Variants in MAPKAPK2 observed in about 807,000 individuals in gnomAD.
MAPKAPK2 encodes the protein MAPK activated protein kinase 2.
Under a neutral mutation model 48.8 loss-of-function variants are expected in MAPKAPK2, and 9 were observed. That is an observed-to-expected ratio of 0.18 (90% confidence interval 0.11 to 0.32). The LOEUF is 0.32. MAPKAPK2 is among the 10% of genes least tolerant of loss of function. The pLI is 1.00. For missense variants in MAPKAPK2, 331 were observed against 498.3 expected (o/e 0.66, Z 3.20); for synonymous variants, 202 against 190.6 (o/e 1.06, Z -0.49).
intron 1 of MAPKAPK2, among the ~76,000 whole-genome samples, chr1:206,714,764 CAAA>C (rs373824626): frequency 6.9e-5 from 8 of 116,042 alleles, no homozygotes; most frequent in Admixed American, 8.7e-5. Context: ...AACTCGGTCA[CAAA>C]AAAAAAAAAA....
chr1:206,707,898 T>G (rs1396952652), intron 1 of MAPKAPK2, among the ~76,000 whole-genome samples: 2 of 152,242 alleles, frequency 1.3e-5, no homozygotes, highest in Admixed American at 6.5e-5. Flanking sequence ...TGGATTTTGC[T>G]GAAGCTGTAA....
intron 1 of MAPKAPK2, among the ~76,000 whole-genome samples, chr1:206,727,206 G>A (rs148877413): frequency 6.6e-6 from 1 of 152,308 alleles, no homozygotes; most frequent in African/African-American, 2.4e-5. Context: ...GACAATTGGT[G>A]ATAAAAATGA....
chr1:206,730,658 G>A lies in MAPKAPK2; in HGVS notation c.692-30G>A, dbSNP rs199789143. 87 of 1,598,356 alleles carry A rather than the reference G, an allele frequency of 5.4e-5. No individual in the cohort carries two copies. The East Asian group carries it at 8.0e-4, about 15-fold the overall frequency. On this transcript the variant is annotated intron_variant, in intron 5 of 9. Transcript: ENST00000367103. ...AGTGGATCACAGGGTTCTGAGGGCC[G>A]GCCCACCCATGTTGACCTTTGATTT...
chr1:206,726,046 C>G (rs1673692331), intron 1 of MAPKAPK2, among the ~76,000 whole-genome samples: 2 of 152,156 alleles, frequency 1.3e-5, no homozygotes, highest in South Asian at 4.1e-4. Flanking sequence ...CTCTTGCTCC[C>G]CTTAGAGCAT....
rs1672236892 is a variant in MAPKAPK2, at chr1:206,685,192, C to T, written c.-38C>T. ...CCGGAGCCGGAGGAGGGGGCGGCCG[C>T]GGGCACCCCCGCCTGTGCCCCGGCG... On this transcript the variant is annotated 5_prime_UTR_variant, in exon 1 of 10. Transcript: ENST00000367103. The T allele has an allele frequency of 6.6e-6, 2 of 300,920 alleles. No individual in the cohort carries two copies. The highest frequency in any genetic ancestry group is 2.3e-5 in the African/African-American group (1 of 43,750). The allele number at this position is 300,920 out of a possible 1,614,324, so 18.6% of individuals were successfully genotyped here.
In MAPKAPK2 at chr1:206,723,756, T is replaced by G. The variant is rs868974668; in HGVS notation, c.280-4954T>G. ...ATACCTTGAATAGGGGGAGGGGTCCTGTCCTTCTTCCCCTCAGGTGCTGGA... is the reference window on the plus strand; with the variant it reads ...ATACCTTGAATAGGGGGAGGGGTCCGGTCCTTCTTCCCCTCAGGTGCTGGA... On this transcript the variant is annotated intron_variant, in intron 1 of 9. Transcript: ENST00000367103. Among the ~76,000 whole-genome samples the G allele has an allele frequency of 6.0e-4, 92 of 152,346 alleles. 1 individual carries two copies. The highest frequency in any genetic ancestry group is 2.1e-3 in the African/African-American group (88 of 41,588).
chr1:206,722,590 G>A (rs922071131), intron 1 of MAPKAPK2, among the ~76,000 whole-genome samples: 1 of 152,198 alleles, frequency 6.6e-6, no homozygotes, highest in East Asian at 1.9e-4. Context: ...AGGAAGAGGA[G>A]GAGGAAGAGG....
chr1:206,732,494 C>T lies in MAPKAPK2; in HGVS notation c.1060-81C>T. 3 of 1,574,040 alleles carry T rather than the reference C, an allele frequency of 1.9e-6. No homozygotes were observed. Among genetic ancestry groups the T allele is most frequent in the Non-Finnish European group, 2.6e-6 (3 of 1,157,522 alleles). ...CTCACCCTGCCCTTGTTGTCTCTGT[C>T]TCTCACGTCTCTCTTCTGCTGTCTC... is the stretch of plus-strand genomic sequence containing the variant. On this transcript the variant is annotated intron_variant, in intron 9 of 9. Transcript: ENST00000367103. This position sits in a 1 kb window ranked among gnomAD's most constrained non-coding sequence, Gnocchi z 4.4.
chr1:206,714,793 C>T (rs987631017), intron 1 of MAPKAPK2, among the ~76,000 whole-genome samples: 4 of 151,244 alleles, frequency 2.6e-5, no homozygotes, highest in African/African-American at 9.7e-5. Flanking sequence ...AAGTCCCAAC[C>T]CCCCAGTTTT....
chr1:206,689,276 G>C (rs1672380128), intron 1 of MAPKAPK2, among the ~76,000 whole-genome samples: 1 of 152,166 alleles, frequency 6.6e-6, no homozygotes, highest in Non-Finnish European at 1.5e-5. Flanking sequence ...CCACTGCGAT[G>C]TGGCTTCCTT....
At chr1:206,691,316 C>T (rs762194484) in intron 1 of MAPKAPK2, among the ~76,000 whole-genome samples, 4 of 151,870 alleles carry the variant, frequency 2.6e-5, no homozygotes, top group Non-Finnish European at 5.9e-5. Flanking sequence ...ACTAACGCAT[C>T]AGCTAGGATC....
chr1:206,711,607 C>CTTTTTTTTTTTT (rs781793889), intron 1 of MAPKAPK2, among the ~76,000 whole-genome samples: 57 of 115,502 alleles, frequency 4.9e-4, no homozygotes, highest in Non-Finnish European at 6.2e-4. Context: ...CTACCTCATT[C>CTTTTTTTTTTTT]TTTTTTTTTT....
intron 1 of MAPKAPK2, among the ~76,000 whole-genome samples, chr1:206,691,945 CGGCAGAGA>C (rs1445857210): frequency 6.6e-6 from 1 of 152,196 alleles, no homozygotes; most frequent in African/African-American, 2.4e-5. Context: ...GCTGGTGACT[CGGCAGAGA>C]GGATAGACTA....
intron 1 of MAPKAPK2, among the ~76,000 whole-genome samples, chr1:206,689,254 G>A (rs1266234956): frequency 6.6e-6 from 1 of 152,116 alleles, no homozygotes; most frequent in East Asian, 1.9e-4. Flanking sequence ...CTCTCCCTAG[G>A]TCATGGAAGT....
chr1:206,729,696 C>T (rs1182554796), intron 4 of MAPKAPK2, among the ~76,000 whole-genome samples: 1 of 152,208 alleles, frequency 6.6e-6, no homozygotes, highest in Non-Finnish European at 1.5e-5. Flanking sequence ...TGGTTCTCCT[C>T]AGGCAGAACC....
chr1:206,686,396 G>A (rs1040667278), intron 1 of MAPKAPK2, among the ~76,000 whole-genome samples: 1 of 152,230 alleles, frequency 6.6e-6, no homozygotes, highest in African/African-American at 2.4e-5. Context: ...GGAGAATAAG[G>A]ATTCAAGTGA....
At chr1:206,709,839 C>T in intron 1 of MAPKAPK2, among the ~76,000 whole-genome samples, 1 of 152,134 alleles carries the variant, frequency 6.6e-6, no homozygotes, top group East Asian at 1.9e-4. Flanking sequence ...CATCCCTGGC[C>T]TCTACCCACT....
At chr1:206,698,499 AG>A (rs1672699802) in intron 1 of MAPKAPK2, among the ~76,000 whole-genome samples, 1 of 152,228 alleles carries the variant, frequency 6.6e-6, no homozygotes, top group African/African-American at 2.4e-5. Flanking sequence ...AGCTCAAAAC[AG>A]CAGATAGACT....
chr1:206,719,881 T>C (rs1553430994), intron 1 of MAPKAPK2, among the ~76,000 whole-genome samples: 1 of 152,266 alleles, frequency 6.6e-6, no homozygotes, highest in Non-Finnish European at 1.5e-5. Context: ...CAGTGTATAA[T>C]TAAAACTATT....
Sources: allele counts gnomAD v4.1 joint callset (sites outside exome capture counted in the v4.1 genomes callset), GRCh38; gene constraint gnomAD v4.1.1; non-coding constraint Gnocchi (gnomAD v3.1); transcripts MANE v1.5; gene names NCBI Gene and HGNC (gene_info 2026-07-23, HGNC 2026-07-21).